REV1: variants seen among roughly 807,000 people sequenced by gnomAD.
REV1 encodes REV1 DNA directed polymerase.
REV1 carries 42 observed loss-of-function variants against 137.4 expected under a neutral mutation model. The ratio of observed to expected loss-of-function variants is 0.31; its 90% CI spans 0.24 to 0.40. The LOEUF is 0.40. REV1 is among the 10% of genes least tolerant of loss of function. The probability of loss-of-function intolerance (pLI) is 1.00; values close to 1 mark genes in which losing one functional copy is unlikely to be tolerated. For missense variants in REV1, 1,282 were observed against 1,490.1 expected, an observed-to-expected ratio of 0.86 and a Z score of 2.30; for synonymous variants, 524 against 519.2, an observed-to-expected ratio of 1.01 and a Z score of -0.12.
rs1677049219 is a variant in REV1 at position 99,410,926 on chromosome 2, G to T, written c.2173-59C>A. 4.3e-6 allele frequency: 6 copies of T among 1,387,552 alleles called. No homozygotes were observed. In the African/African-American group the frequency reaches 5.9e-5, roughly 14 times the overall value. The allele number at this position is 1,387,552 out of a possible 1,614,324, so 86.0% of individuals were successfully genotyped here. A position where few individuals can be genotyped will look rare whatever the true frequency, so the allele number is the denominator to read the frequency against. On this transcript the variant is annotated intron_variant, in intron 13 of 22. Coordinates refer to ENST00000258428, the MANE Select transcript of REV1 (RefSeq NM_016316.4). ...CCACTTTCCTATATACCTAATAATT[G>T]TTCTCAAGTATTTTAACTTTGAATA...
chr2:99,407,979 G>A, intron 15 of REV1, 50 bp downstream of exon 15: 1 of 1,138,688 alleles, frequency 8.8e-7, no homozygotes, highest in Non-Finnish European at 1.2e-6. Context: ...CCTCAAAAAT[G>A]AGAGATACAT....
Position 99,402,954 on chromosome 2 carries a change from C to G in REV1, c.3319G>C (p.Gly1107Arg), listed in dbSNP as rs375778776. The part of the protein sequence containing the change: ...SPAKTLPGAC[G>R]SPQKLIDGFL... ...CCATCAATTAACTTCTGGGGACTGC[C>G]ACAGGCCCCTGGCAGAGTTTTTGCA... The change falls in exon 20 of 23, where the codon GGC becomes CGC. Residue 1107 changes from glycine to arginine, a missense_variant. Physicochemically the swap from Gly to Arg is moderately radical, Grantham distance 125. Coordinates refer to ENST00000258428, the MANE Select transcript of REV1 (RefSeq NM_016316.4). 5 of 1,614,082 alleles carry G rather than the reference C, an allele frequency of 3.1e-6. No individual in the cohort carries two copies. Among genetic ancestry groups the G allele is most frequent in the African/African-American group, 1.3e-5 (1 of 74,930 alleles).
rs117674876 is a variant in REV1, at chr2:99,481,731, C to T, written c.-11+8086G>A. 6.6e-5 allele frequency among the ~76,000 whole-genome samples: 10 copies of T among 151,940 alleles called. No individual in the cohort carries two copies. In the East Asian group the frequency reaches 1.4e-3, roughly 21 times the overall value. The stretch of plus-strand genomic sequence containing the variant: ...CACAAAAATTTAAATTAGCCAGGTG[C>T]GGTGGTGTGTGCCTGTAGTCCTAGC... On this transcript the variant is annotated intron_variant, in intron 1 of 22. Transcript: ENST00000258428.
At chr2:99,406,790 C>T (rs1479350058) in intron 15 of REV1, 2 of 199,988 alleles carry the variant, frequency 1.0e-5, no homozygotes, top group Non-Finnish European at 2.0e-5. Context: ...CTGATGTTCT[C>T]GTCAACTAAG....
Position 99,435,919 on chromosome 2 carries a change from A to G in REV1, c.1236T>C (p.Ser412=), listed in dbSNP as rs1209756474. The G allele has an allele frequency of 6.3e-7, 1 of 1,597,758 alleles. No individual in the cohort carries two copies. Among genetic ancestry groups the G allele is most frequent in the South Asian group, 1.1e-5 (1 of 89,948 alleles). Residue 412 remains serine, a synonymous_variant, in exon 7 of 23, where the codon TCT becomes TCC. Transcript: ENST00000258428. Reference sequence around the variant, plus strand: ...GCATTATACAGCTCTGATGTCTGGGAGAATTCAATACTGACATATCTCCTA... The same window carrying G: ...GCATTATACAGCTCTGATGTCTGGGGGAATTCAATACTGACATATCTCCTA... The part of the protein sequence containing the change: ...TDTGDMSVLN[S]PRHQSCIMHV...
At chr2:99,438,191 T>C (rs1412448853) in intron 6 of REV1, among the ~76,000 whole-genome samples, 3 of 96,894 alleles carry the variant, frequency 3.1e-5, no homozygotes, top group Non-Finnish European at 6.3e-5. Context: ...AACAGCTCTA[T>C]GTCAAAATTA....
intron 19 of REV1, chr2:99,403,373 G>A: frequency 1.8e-6 from 1 of 554,634 alleles, no homozygotes; most frequent in Non-Finnish European, 3.2e-6. Context: ...TGTTTGTGAT[G>A]CATTTTGAAC....
At chr2:99,482,986 C>T (rs1187584858) in intron 1 of REV1, among the ~76,000 whole-genome samples, 1 of 147,880 alleles carries the variant, frequency 6.8e-6, no homozygotes, top group East Asian at 2.0e-4. Context: ...CATAGCACTC[C>T]AGCCTGGGCG....
At position 99,400,659 on chromosome 2, in the gene REV1, C is replaced by G. The variant is rs1042053375; in HGVS notation, c.*582G>C. On this transcript the variant is annotated 3_prime_UTR_variant, in exon 23 of 23. Transcript: ENST00000258428. ...ATAATGTTCCCAGGAAAAAAATCTT[C>G]AAGTGGGTGTGAGGGTGTTTCTAAT... 7 of 152,154 alleles carry G rather than the reference C, an allele frequency of 4.6e-5. No individual in the cohort carries two copies. The highest frequency in any genetic ancestry group is 1.7e-4 in the African/African-American group (7 of 41,434). 9.4% of individuals were successfully genotyped at this position (152,154 alleles called of 1,614,324 possible).
intron 1 of REV1, among the ~76,000 whole-genome samples, chr2:99,467,547 T>G (rs1000713187): frequency 7.2e-5 from 11 of 152,282 alleles, no homozygotes; most frequent in African/African-American, 2.2e-4. Flanking sequence ...CTGAGAACAT[T>G]TGGCAATCCT....
rs148520828 is a variant in REV1, at chr2:99,468,261, A to T, written c.-10-3276T>A. On this transcript the variant is annotated intron_variant, in intron 1 of 22. Transcript: ENST00000258428. ...TAATCAGCAGGGATCTTCGAAAAAG[A>T]GACTCCGCCAATGCCTCTGTAATAA... Among the ~76,000 whole-genome samples, 668 of 152,260 alleles carry T rather than the reference A, an allele frequency of 4.4e-3. 1 individual carries two copies. The highest frequency in any genetic ancestry group is 7.1e-3 in the Non-Finnish European group (481 of 68,004).
intron 18 of REV1, 109 bp from the exon 19 acceptor site, chr2:99,403,924 G>A (rs1675883940): frequency 7.5e-7 from 1 of 1,340,740 alleles, no homozygotes. Context: ...TTTCTGATCT[G>A]TACGAATTCT....
At chr2:99,484,282 T>G (rs1253658415) in intron 1 of REV1, among the ~76,000 whole-genome samples, 1 of 152,112 alleles carries the variant, frequency 6.6e-6, no homozygotes. Context: ...GTATCAGGCT[T>G]AATACCTGAG....
chr2:99,435,168 A>T (rs2104775310), intron 7 of REV1, among the ~76,000 whole-genome samples: 1 of 152,318 alleles, frequency 6.6e-6, no homozygotes, highest in Non-Finnish European at 1.5e-5. Context: ...ACTACCCATG[A>T]CAAAAATAAA....
chr2:99,448,666 A>G (rs1388002467), intron 4 of REV1, among the ~76,000 whole-genome samples: 3 of 152,188 alleles, frequency 2.0e-5, no homozygotes, highest in African/African-American at 7.2e-5. Flanking sequence ...TTTCTCTCCC[A>G]ACAGAATATA....
chr2:99,441,371 A>C (rs1279776019), intron 5 of REV1, among the ~76,000 whole-genome samples: 1 of 152,176 alleles, frequency 6.6e-6, no homozygotes, highest in Non-Finnish European at 1.5e-5. Flanking sequence ...AATAAAGAGA[A>C]GGCTAACCAT....
At chr2:99,466,986 A>C (rs996571079) in intron 1 of REV1, among the ~76,000 whole-genome samples, 1 of 152,234 alleles carries the variant, frequency 6.6e-6, no homozygotes, top group Non-Finnish European at 1.5e-5. Context: ...AACTGAATCC[A>C]TACACCTGCT....
intron 1 of REV1, among the ~76,000 whole-genome samples, chr2:99,468,180 CA>C (rs61160561): frequency 0.61 from 84,176 of 136,888 alleles, 25,076 homozygotes; most frequent in African/African-American, 0.71. Context: ...AACTCCATCT[CA>C]AAAAAAAAAA....
chr2:99,440,505 C>A (rs1482145801), intron 5 of REV1, among the ~76,000 whole-genome samples: 3 of 152,200 alleles, frequency 2.0e-5, no homozygotes, highest in African/African-American at 4.8e-5. Flanking sequence ...TTAGCTCAGG[C>A]TCTGGCTAAA....
Sources: gnomAD v4.1 joint callset for allele counts (sites outside exome capture counted in the v4.1 genomes callset) on GRCh38, gnomAD v4.1.1 for gene constraint, MANE v1.5 for transcripts, NCBI Gene and HGNC (gene_info 2026-07-23, HGNC 2026-07-21) for gene names.